The following PPP6C variants were observed in gnomAD, a reference collection of about 807,000 sequenced individuals.
PPP6C encodes serine/threonine-protein phosphatase 6 catalytic subunit.
A neutral mutation model predicts 39.8 loss-of-function variants in PPP6C; 11 were observed. The ratio of observed to expected loss-of-function variants is 0.28; its 90% CI spans 0.17 to 0.46. The LOEUF (loss-of-function observed/expected upper bound fraction) is 0.46, where lower values mean the gene tolerates loss of function less well. Ranked by LOEUF, PPP6C falls within the 20% of genes least tolerant of loss-of-function variation. PPP6C has a pLI of 1.00. For synonymous variants in PPP6C, 129 were observed against 130.3 expected, an observed-to-expected ratio of 0.99 and a Z score of 0.07; for missense variants, 211 against 373.9, an observed-to-expected ratio of 0.56 and a Z score of 3.59.
chr9:125,163,119 A>C (rs865930498), intron 2 of PPP6C, among the ~76,000 whole-genome samples: 2 of 152,156 alleles, frequency 1.3e-5, no homozygotes, highest in Non-Finnish European at 2.9e-5. Flanking sequence ...AAACATCAAA[A>C]GAAACAGCCT....
intron 1 of PPP6C, chr9:125,188,823 A>AT (rs1829591838): frequency 8.7e-6 from 3 of 344,658 alleles, no homozygotes; most frequent in Non-Finnish European, 1.4e-5. Context: ...ATAATAATTA[A>AT]AAAGTTTTAA....
At chr9:125,180,700 C>T (rs1259075846) in intron 1 of PPP6C, among the ~76,000 whole-genome samples, 5 of 152,184 alleles carry the variant, frequency 3.3e-5, no homozygotes, top group Admixed American at 1.3e-4. Context: ...GGGTTACAGG[C>T]GTGAGCCACT....
chr9:125,174,899 G>A (rs1322940635), intron 1 of PPP6C, among the ~76,000 whole-genome samples: 1 of 150,762 alleles, frequency 6.6e-6, no homozygotes, highest in Non-Finnish European at 1.5e-5. Context: ...GCGACAGAGT[G>A]AGAACCTATC....
chr9:125,170,920 A>T (rs1829134812), intron 2 of PPP6C, among the ~76,000 whole-genome samples, 165 bp downstream of exon 2: 1 of 152,226 alleles, frequency 6.6e-6, no homozygotes, highest in African/African-American at 2.4e-5. Context: ...TTTATTCACC[A>T]AAAATGTAAA....
At chr9:125,173,404 CAAAAAAAAAAA>C (rs1157793278) in intron 1 of PPP6C, among the ~76,000 whole-genome samples, 2 of 50,750 alleles carry the variant, frequency 3.9e-5, no homozygotes, top group African/African-American at 1.7e-4. Context: ...GACTCCCTCT[CAAAAAAAAAAA>C]AAAAAAAAAA....
intron 1 of PPP6C, among the ~76,000 whole-genome samples, chr9:125,186,369 G>GA (rs1212066799): frequency 2.6e-5 from 4 of 151,520 alleles, no homozygotes; most frequent in Non-Finnish European, 5.9e-5. Flanking sequence ...TTCCAAGACA[G>GA]AAAAAAAAGT....
chr9:125,180,791 T>A (rs1003973404), intron 1 of PPP6C, among the ~76,000 whole-genome samples: 1 of 152,180 alleles, frequency 6.6e-6, no homozygotes, highest in Non-Finnish European at 1.5e-5. Flanking sequence ...TAAGGCCTCC[T>A]AAACTTGAAG....
intron 1 of PPP6C, 81 bp downstream of exon 1, chr9:125,189,563 C>G (rs1223438306): frequency 2.5e-6 from 4 of 1,596,928 alleles, no homozygotes; most frequent in Non-Finnish European, 2.6e-6. Flanking sequence ...ACTGGATACC[C>G]GGCGGGGGTC....
At chr9:125,151,716 A>C in intron 6 of PPP6C, 1 of 349,770 alleles carries the variant, frequency 2.9e-6, no homozygotes, top group South Asian at 2.5e-5. Flanking sequence ...ATCCCACATC[A>C]GGTATATCTG....
intron 2 of PPP6C, among the ~76,000 whole-genome samples, chr9:125,169,616 C>T (rs1377191065): frequency 6.6e-6 from 1 of 152,184 alleles, no homozygotes; most frequent in African/African-American, 2.4e-5. Context: ...GAAACTTCTA[C>T]ACTACACTGG....
At chr9:125,181,401 G>C (rs796561654) in intron 1 of PPP6C, among the ~76,000 whole-genome samples, 9 of 151,990 alleles carry the variant, frequency 5.9e-5, no homozygotes, top group African/African-American at 2.2e-4. Flanking sequence ...TTGTTACTTA[G>C]GTATCCACGT....
At chr9:125,153,776 T>A in intron 5 of PPP6C, 34 bp from the exon 6 acceptor site, 1 of 1,591,806 alleles carries the variant, frequency 6.3e-7, no homozygotes, top group Non-Finnish European at 8.6e-7. Flanking sequence ...GTTGAACATA[T>A]AACCTCAGGC....
intron 4 of PPP6C, among the ~76,000 whole-genome samples, chr9:125,155,977 C>G (rs1836062200): frequency 6.6e-6 from 1 of 150,386 alleles, no homozygotes; most frequent in Non-Finnish European, 1.5e-5. Flanking sequence ...ATACATGTAG[C>G]ATTAGTTACA....
Position 125,149,378 on chromosome 9 carries a change from C to A in PPP6C, c.*295G>T. 1 of 266,344 alleles carries A rather than the reference C, an allele frequency of 3.8e-6. No homozygotes were observed. The highest frequency in any genetic ancestry group is 7.0e-6 in the Non-Finnish European group (1 of 142,428). 16.5% of individuals were successfully genotyped at this position (266,344 alleles called of 1,614,324 possible). A position where few individuals can be genotyped will look rare whatever the true frequency, so the allele number is the denominator to read the frequency against. On this transcript the variant is annotated 3_prime_UTR_variant, in exon 7 of 7. Coordinates refer to ENST00000373547, the MANE Select transcript of PPP6C (RefSeq NM_002721.5). ...AAAAAAAGGAAACACATCCTGTTTCCCAGACCAGTAAATAAGCAAGAGCTA... is the reference window on the plus strand; with the variant it reads ...AAAAAAAGGAAACACATCCTGTTTCACAGACCAGTAAATAAGCAAGAGCTA...
chr9:125,189,429 T>A, intron 1 of PPP6C: 1 of 1,309,258 alleles, frequency 7.6e-7, no homozygotes, highest in Non-Finnish European at 1.0e-6. Context: ...GGCCGCGACA[T>A]CCCTCGGGAT....
At chr9:125,165,486 T>C (rs2131318233) in intron 2 of PPP6C, among the ~76,000 whole-genome samples, 1 of 152,300 alleles carries the variant, frequency 6.6e-6, no homozygotes, top group Non-Finnish European at 1.5e-5. Flanking sequence ...AAAAAAATTG[T>C]TTAGTGAGAG....
chr9:125,182,713 C>T (rs1829443835), intron 1 of PPP6C, among the ~76,000 whole-genome samples: 1 of 149,252 alleles, frequency 6.7e-6, no homozygotes. Context: ...TGCTTGCTGT[C>T]TTGTGGATGT....
At chr9:125,156,236 A>G (rs1836070620) in intron 4 of PPP6C, among the ~76,000 whole-genome samples, 1 of 152,222 alleles carries the variant, frequency 6.6e-6, no homozygotes, top group Admixed American at 6.5e-5. Flanking sequence ...TCTCTAATTG[A>G]TAATGGCAGA....
At position 125,146,577 on chromosome 9, in the gene PPP6C, G is replaced by A. The variant is rs1835819267; in HGVS notation, c.*3096C>T. 1 of 151,870 alleles carries A rather than the reference G, an allele frequency of 6.6e-6. No homozygotes were observed. Among genetic ancestry groups the A allele is most frequent in the Non-Finnish European group, 1.5e-5 (1 of 67,988 alleles). The allele number at this position is 151,870 out of a possible 1,614,324, so 9.4% of individuals were successfully genotyped here. A position where few individuals can be genotyped will look rare whatever the true frequency, so the allele number is the denominator to read the frequency against. ...TTCACCAGTCAAGCAACCAAGTGGA[G>A]GAATAAGCATTTTTTAATTTCTTAT... On this transcript the variant is annotated 3_prime_UTR_variant, in exon 7 of 7. Coordinates refer to ENST00000373547, the MANE Select transcript of PPP6C (RefSeq NM_002721.5).
Sources: allele counts gnomAD v4.1 joint callset (sites outside exome capture counted in the v4.1 genomes callset), GRCh38; gene constraint gnomAD v4.1.1; transcripts MANE v1.5; gene names NCBI Gene and HGNC (gene_info 2026-07-23, HGNC 2026-07-21).